USP39: variants seen among roughly 807,000 people sequenced by gnomAD.
USP39 encodes the protein ubiquitin carboxyl-terminal hydrolase 39.
In USP39, 38 loss-of-function variants were observed where a neutral mutation model predicts 66.4. The ratio of observed to expected loss-of-function variants is 0.57; its 90% CI spans 0.44 to 0.75. The LOEUF is 0.75. Ranked by LOEUF, USP39 falls within the 30% of genes least tolerant of loss-of-function variation. The probability of loss-of-function intolerance (pLI) is 0.00; values close to 1 mark genes in which losing one functional copy is unlikely to be tolerated. For missense variants in USP39, 608 were observed against 714.4 expected (o/e 0.85, Z 1.70); for synonymous variants, 303 against 274.6 (o/e 1.10, Z -1.02).
chr2:85,647,667 A>C (rs897529946), intron 11 of USP39, among the ~76,000 whole-genome samples: 7 of 151,824 alleles, frequency 4.6e-5, no homozygotes, highest in East Asian at 1.9e-4. Flanking sequence ...TCAAAAAAAA[A>C]AAAAAACAAA....
At chr2:85,639,584 A>G (rs2104336993) in intron 9 of USP39, 193 bp downstream of exon 9, 1 of 513,472 alleles carries the variant, frequency 1.9e-6, no homozygotes, top group Non-Finnish European at 3.3e-6. Flanking sequence ...CCTTCCTAGT[A>G]GCTGGGATTA....
At chr2:85,643,968 G>C (rs1676447301) in intron 10 of USP39, among the ~76,000 whole-genome samples, 1 of 152,140 alleles carries the variant, frequency 6.6e-6, no homozygotes, top group South Asian at 2.1e-4. Flanking sequence ...TTTCTTAACA[G>C]TGAATATTTA....
In USP39 at chr2:85,641,137, C is replaced by G; in HGVS notation, c.1427+19C>G. On this transcript the variant is annotated intron_variant, in intron 10 of 12. Coordinates refer to ENST00000323701, the MANE Select transcript of USP39 (RefSeq NM_006590.4). ...CTATTACGTAAGTAACATCCTGCCT[C>G]ACTTCTCTCACGGGGAGTGAACCTG... 4.3e-6 allele frequency: 7 copies of G among 1,610,908 alleles called. No individual in the cohort carries two copies. In the South Asian group the frequency reaches 7.8e-5, roughly 18 times the overall value.
At chr2:85,625,197 G>T (rs1233591136) in intron 4 of USP39, among the ~76,000 whole-genome samples, 3 of 152,136 alleles carry the variant, frequency 2.0e-5, no homozygotes, top group Non-Finnish European at 4.4e-5. Context: ...TCCATGTGCT[G>T]CTCCCAGGAG....
At chr2:85,638,144 C>T (rs996024675) in intron 8 of USP39, among the ~76,000 whole-genome samples, 4 of 152,124 alleles carry the variant, frequency 2.6e-5, no homozygotes, top group African/African-American at 9.7e-5. Flanking sequence ...GCCTCAGCCT[C>T]CGAAGTAGCT....
At chr2:85,610,607 G>T (rs75644441), upstream of USP39, 1 of 152,010 alleles carries the variant, frequency 6.6e-6, no homozygotes, top group African/African-American at 2.4e-5. Context: ...ATTAATATAC[G>T]TAAGATCTAA....
chr2:85,616,258 G>T lies in USP39; in HGVS notation c.63G>T (p.Ser21=), dbSNP rs1364147628. The T allele has an allele frequency of 3.3e-6, 5 of 1,512,692 alleles. No homozygotes were observed. The highest frequency in any genetic ancestry group is 1.4e-5 in the African/African-American group (1 of 69,992). 93.7% of individuals were successfully genotyped at this position (1,512,692 alleles called of 1,614,324 possible). A position where few individuals can be genotyped will look rare whatever the true frequency, so the allele number is the denominator to read the frequency against. Residue 21 remains serine (S), a synonymous_variant, in exon 1 of 13, where the codon TCG becomes TCT. Transcript: ENST00000323701. The part of the protein sequence containing the change: ...GSTRGKRESE[S]RGSSGRVKRE... ...CTCGCGGGAAGCGAGAGTCTGAGTC[G>T]CGGGGCAGCTCCGGTCGCGTCAAGC...
intron 2 of USP39, among the ~76,000 whole-genome samples, chr2:85,619,976 T>A (rs561448412): frequency 6.6e-6 from 1 of 152,002 alleles, no homozygotes; most frequent in East Asian, 1.9e-4. Context: ...TGCCTCAGCT[T>A]CCTGAGTAGC....
At chr2:85,611,580 A>C, upstream of USP39, 1 of 1,551,404 alleles carries the variant, frequency 6.4e-7, no homozygotes, top group Non-Finnish European at 8.7e-7. Context: ...GAACCTTAGG[A>C]GTAAGAAGTG....
intron 6 of USP39, among the ~76,000 whole-genome samples, chr2:85,633,019 G>T (rs2104306507): frequency 6.6e-6 from 1 of 152,160 alleles, no homozygotes; most frequent in East Asian, 1.9e-4. Context: ...TGGGGTCAGT[G>T]GAGAGCCAAG....
chr2:85,636,240 G>A (rs1675760986), intron 7 of USP39, 110 bp downstream of exon 7: 5 of 1,012,108 alleles, frequency 4.9e-6, no homozygotes, highest in Non-Finnish European at 7.4e-6. Flanking sequence ...GGCCGAGGTG[G>A]GTGGATTACC....
upstream of USP39, among the ~76,000 whole-genome samples, chr2:85,613,042 CAAAAT>C (rs1207098752): frequency 6.6e-6 from 1 of 150,776 alleles, no homozygotes; most frequent in Non-Finnish European, 1.5e-5. Flanking sequence ...TTACAAAAGT[CAAAAT>C]CAGGAATTCA....
intron 6 of USP39, among the ~76,000 whole-genome samples, chr2:85,632,048 G>A (rs1675391317): frequency 6.6e-6 from 1 of 152,054 alleles, no homozygotes; most frequent in Non-Finnish European, 1.5e-5. Flanking sequence ...GGCCTCTGAT[G>A]AACTATTTTG....
Position 85,616,231 on chromosome 2 carries a change from C to T in USP39, c.36C>T (p.Ser12=). The change falls in exon 1 of 13, where the codon TCC becomes TCT. Residue 12 remains serine (S), a synonymous_variant. Transcript: ENST00000323701. ...GGTCTAAGCGGGAGTCTCGCGGTTC[C>T]ACTCGCGGGAAGCGAGAGTCTGAGT... ...SGRSKRESRG[S]TRGKRESESR... 1.4e-6 allele frequency: 2 copies of T among 1,481,248 alleles called. No homozygotes were observed. The highest frequency in any genetic ancestry group is 1.4e-5 in the South Asian group (1 of 73,778). The allele number at this position is 1,481,248 out of a possible 1,614,324, so 91.8% of individuals were successfully genotyped here. A position where few individuals can be genotyped will look rare whatever the true frequency, so the allele number is the denominator to read the frequency against.
Position 85,639,188 on chromosome 2 carries a change from C to T in USP39, c.1096-15C>T. 6.2e-7 allele frequency: 1 copy of T among 1,606,832 alleles called. No individual in the cohort carries two copies. The highest frequency in any genetic ancestry group is 8.5e-7 in the Non-Finnish European group (1 of 1,175,684). ...TCACACTCCTTTCCTCTCTTTTCTT[C>T]TCATTCATTTCTAGCCAGCAGAAGA... On this transcript the variant is annotated splice_polypyrimidine_tract_variant and intron_variant, in intron 8 of 12. Transcript: ENST00000323701.
upstream of USP39, chr2:85,609,560 C>T (rs1673366297): frequency 5.6e-6 from 9 of 1,614,196 alleles, no homozygotes; most frequent in Admixed American, 1.7e-5. Context: ...TCTTCATAGT[C>T]TGGGTTGCGT....
At chr2:85,611,008 C>T (rs1390914221), upstream of USP39, 1 of 156,186 alleles carries the variant, frequency 6.4e-6, no homozygotes, top group Non-Finnish European at 1.4e-5. Context: ...ATCCGCCCGC[C>T]TCGGCCTCCC....
At chr2:85,612,324 C>G (rs1426747672), upstream of USP39, 1 of 1,536,054 alleles carries the variant, frequency 6.5e-7, no homozygotes, top group South Asian at 1.2e-5. Context: ...TAACACAACT[C>G]GATGCTTACG....
At chr2:85,645,218 G>GAATCTCTCTCTCTCTCTCTCTC in intron 11 of USP39, 135 bp downstream of exon 11, 1 of 1,219,950 alleles carries the variant, frequency 8.2e-7, no homozygotes, top group Non-Finnish European at 1.1e-6. Context: ...AGTGCTGTCA[G>GAATCTCTCTCTCTCTCTCTCTC]TAGTTAGTTT....
Sources: gnomAD v4.1 joint callset for allele counts (sites outside exome capture counted in the v4.1 genomes callset) on GRCh38, gnomAD v4.1.1 for gene constraint, MANE v1.5 for transcripts, NCBI Gene and HGNC (gene_info 2026-07-23, HGNC 2026-07-21) for gene names.